The following SLC9C2 variants were observed in gnomAD, a reference collection of about 807,000 sequenced individuals.
SLC9C2 encodes the protein sodium/hydrogen exchanger 11.
In SLC9C2, 75 loss-of-function variants were observed where a neutral mutation model predicts 140.2. That is an observed-to-expected ratio of 0.53 (90% CI 0.44 to 0.65). The LOEUF is 0.65. SLC9C2 is among the 30% of genes least tolerant of loss of function. The probability of loss-of-function intolerance (pLI) is 0.00; values close to 1 mark genes in which losing one functional copy is unlikely to be tolerated. For synonymous variants in SLC9C2, 375 were observed against 420.9 expected (o/e 0.89, Z 1.34); for missense variants, 1,074 against 1,331.8 (o/e 0.81, Z 3.01).
chr1:173,562,037 T>C (rs1664154563), intron 9 of SLC9C2, among the ~76,000 whole-genome samples: 1 of 152,166 alleles, frequency 6.6e-6, no homozygotes, highest in African/African-American at 2.4e-5. Context: ...TTTCATTTTT[T>C]TGAGTACTAA....
intron 9 of SLC9C2, among the ~76,000 whole-genome samples, chr1:173,558,938 G>A (rs1480039909): frequency 1.3e-5 from 2 of 152,164 alleles, no homozygotes; most frequent in African/African-American, 4.8e-5. Flanking sequence ...CTTGGAAAAG[G>A]TCCTTTGCTT....
chr1:173,569,852 T>C (rs1424031035), intron 9 of SLC9C2, among the ~76,000 whole-genome samples: 1 of 152,164 alleles, frequency 6.6e-6, no homozygotes, highest in Non-Finnish European at 1.5e-5. Context: ...TATTCTATTG[T>C]GATTACGCTG....
chr1:173,509,629 A>G lies in SLC9C2; in HGVS notation c.2978T>C (p.Ile993Thr). ...DAFWPSLEYKIWLKLALSTAY... is the reference protein window; with the variant it reads ...DAFWPSLEYKTWLKLALSTAY... ...AGTACTGAGAGCAAGCTTTAGCCAT[A>G]TTTTATATTCCAGAGATGGCCAGAA... The change falls in exon 24 of 28, where the codon ATA (isoleucine) becomes ACA (threonine). Residue 993 changes from isoleucine (I) to threonine (T), a missense_variant. Transcript: ENST00000367714. 1 of 1,597,886 alleles carries G rather than the reference A, an allele frequency of 6.3e-7. No homozygotes were observed. Among genetic ancestry groups the G allele is most frequent in the South Asian group, 1.2e-5 (1 of 86,706 alleles).
chr1:173,548,535 G>A lies in SLC9C2; in HGVS notation c.1315C>T (p.Leu439Phe). 6.2e-7 allele frequency: 1 copy of A among 1,613,604 alleles called. No individual in the cohort carries two copies. Among genetic ancestry groups the A allele is most frequent in the Non-Finnish European group, 8.5e-7 (1 of 1,179,688 alleles). Reference sequence around the variant, plus strand: ...TTTTGCAAGATCATTTGTCTTGGGAGGGAAAGAACACACAAATCTGTGACA... The same window carrying A: ...TTTTGCAAGATCATTTGTCTTGGGAAGGAAAGAACACACAAATCTGTGACA... Reference protein sequence around the residue: ...ARKLDLCVLSLPRQMILQNAT... With the variant: ...ARKLDLCVLSFPRQMILQNAT... The change falls in exon 12 of 28, where the codon CTC becomes TTC. Residue 439 changes from leucine (L) to phenylalanine (F), a missense_variant. Transcript: ENST00000367714.
rs929299029 is a variant in SLC9C2 at position 173,527,687 on chromosome 1, C to T, written c.2314-973G>A. 3.3e-5 allele frequency among the ~76,000 whole-genome samples: 5 copies of T among 152,296 alleles called. No individual in the cohort carries two copies. In the South Asian group the frequency reaches 1.0e-3, roughly 32 times the overall value. ...CACCAACAGTCCTGGAATCACACAA[C>T]TGACAGTTCTTTAGGGTTGTCAGGT... On this transcript the variant is annotated intron_variant, in intron 18 of 27. Transcript: ENST00000367714.
At chr1:173,525,232 C>T (rs1437570911) in intron 19 of SLC9C2, among the ~76,000 whole-genome samples, 1 of 152,164 alleles carries the variant, frequency 6.6e-6, no homozygotes, top group Non-Finnish European at 1.5e-5. Flanking sequence ...TTTTACTTCT[C>T]TGTCTCATCC....
rs115517886 is a variant in SLC9C2, at chr1:173,573,699, G to A, written c.903-374C>T. ...TGTAGTTGCTACTAGTAGGTACCTCGGTAACTTTGACTTTGCAATAGCTAA... is the reference window on the plus strand; with the variant it reads ...TGTAGTTGCTACTAGTAGGTACCTCAGTAACTTTGACTTTGCAATAGCTAA... On this transcript the variant is annotated intron_variant, in intron 8 of 27. Coordinates refer to ENST00000367714, the MANE Select transcript of SLC9C2 (RefSeq NM_178527.4). 6.8e-4 allele frequency among the ~76,000 whole-genome samples: 104 copies of A among 152,240 alleles called. 1 individual carries two copies. Among genetic ancestry groups the A allele is most frequent in the Non-Finnish European group, 1.3e-4 (9 of 68,016 alleles).
chr1:173,538,893 T>C (rs1037957189), intron 13 of SLC9C2, among the ~76,000 whole-genome samples: 5 of 152,110 alleles, frequency 3.3e-5, no homozygotes, highest in African/African-American at 1.2e-4. Flanking sequence ...ATAGGTAAAC[T>C]TTTCTTGGAA....
At chr1:173,538,157 T>C (rs1662109391) in intron 13 of SLC9C2, among the ~76,000 whole-genome samples, 1 of 152,200 alleles carries the variant, frequency 6.6e-6, no homozygotes, top group Non-Finnish European at 1.5e-5. Context: ...ATTCTGAAAC[T>C]GCCTTCCAAA....
intron 23 of SLC9C2, among the ~76,000 whole-genome samples, chr1:173,514,552 G>A (rs980617699): frequency 6.6e-6 from 1 of 151,348 alleles, no homozygotes; most frequent in African/African-American, 2.4e-5. Flanking sequence ...TGTGAGATGA[G>A]CCCCCTAAAT....
intron 7 of SLC9C2, among the ~76,000 whole-genome samples, chr1:173,577,722 C>T (rs1665267697): frequency 1.3e-5 from 2 of 152,134 alleles, no homozygotes; most frequent in South Asian, 2.1e-4. Context: ...ATGCTTGCCA[C>T]ACTTTTAAAG....
chr1:173,555,649 C>T (rs1446837978), intron 10 of SLC9C2, among the ~76,000 whole-genome samples: 2 of 152,114 alleles, frequency 1.3e-5, no homozygotes, highest in Non-Finnish European at 2.9e-5. Context: ...AAAAGAGAAT[C>T]GGAGGAGCTG....
At chr1:173,538,961 A>G (rs1461019) in intron 13 of SLC9C2, among the ~76,000 whole-genome samples, 52,253 of 151,914 alleles carry the variant, frequency 0.34, 11,084 homozygotes, top group East Asian at 0.64. Flanking sequence ...AAAACTATGC[A>G]GGGCAGGGGA....
chr1:173,575,803 C>T (rs556793443), intron 8 of SLC9C2, among the ~76,000 whole-genome samples: 2 of 152,290 alleles, frequency 1.3e-5, no homozygotes, highest in South Asian at 2.1e-4. Flanking sequence ...TGGTCTCGAT[C>T]TCCTGACCTC....
intron 21 of SLC9C2, among the ~76,000 whole-genome samples, chr1:173,522,335 G>A (rs553834256): frequency 3.9e-5 from 6 of 152,194 alleles, no homozygotes; most frequent in African/African-American, 1.4e-4. Flanking sequence ...CAGATAGCTC[G>A]GATAACATGA....
At chr1:173,510,679 G>A (rs10912629) in intron 23 of SLC9C2, among the ~76,000 whole-genome samples, 18,492 of 152,190 alleles carry the variant, frequency 0.12, 3,765 homozygotes, top group African/African-American at 0.42. Context: ...TCCTTTTTAT[G>A]GCTGCACAGT....
intron 13 of SLC9C2, among the ~76,000 whole-genome samples, chr1:173,541,395 C>A (rs1662400113): frequency 6.6e-6 from 1 of 152,022 alleles, no homozygotes; most frequent in South Asian, 2.1e-4. Flanking sequence ...CTTAGAATCC[C>A]ACATAATAAT....
At chr1:173,553,547 C>G (rs531840201) in intron 11 of SLC9C2, among the ~76,000 whole-genome samples, 2 of 152,350 alleles carry the variant, frequency 1.3e-5, no homozygotes, top group East Asian at 3.9e-4. Context: ...ATCAACCCTG[C>G]ACCAGCAAAA....
intron 4 of SLC9C2, among the ~76,000 whole-genome samples, chr1:173,595,010 C>T (rs1169259780): frequency 1.3e-5 from 2 of 152,176 alleles, no homozygotes; most frequent in African/African-American, 4.8e-5. Context: ...AGTGATGCTG[C>T]TGCCTCAGCC....
Sources: allele counts gnomAD v4.1 joint callset (sites outside exome capture counted in the v4.1 genomes callset), GRCh38; gene constraint gnomAD v4.1.1; transcripts MANE v1.5; gene names NCBI Gene and HGNC (gene_info 2026-07-23, HGNC 2026-07-21).